Variants in SYNE1 observed in about 807,000 individuals in gnomAD.
The protein encoded by SYNE1 is nesprin-1.
Under a neutral mutation model 1,111.0 loss-of-function variants are expected in SYNE1, and 616 were observed. The ratio of observed to expected loss-of-function variants is 0.55; its 90% CI spans 0.52 to 0.59. SYNE1 has a LOEUF of 0.59. Ranked by LOEUF, SYNE1 falls within the 20% of genes least tolerant of loss-of-function variation. SYNE1 has a pLI of 0.00. For synonymous variants in SYNE1, 3,855 were observed against 3,825.8 expected (o/e 1.01, Z -0.28); for missense variants, 10,006 against 10,417.0 (o/e 0.96, Z 1.72).
intron 133 of SYNE1, among the ~76,000 whole-genome samples, chr6:152,153,513 T>C (rs141820764): frequency 6.6e-6 from 1 of 152,376 alleles, no homozygotes; most frequent in African/African-American, 2.4e-5. Context: ...GGCTAACTTT[T>C]GCTTTAAAAT....
At chr6:152,499,501 A>T (rs147354502) in intron 10 of SYNE1, among the ~76,000 whole-genome samples, 1 of 152,244 alleles carries the variant, frequency 6.6e-6, no homozygotes. Flanking sequence ...AGCCTGGTAG[A>T]TATGTTCATG....
At chr6:152,241,587 C>T (rs934378109) in intron 107 of SYNE1, among the ~76,000 whole-genome samples, 2 of 150,704 alleles carry the variant, frequency 1.3e-5, no homozygotes, top group East Asian at 3.9e-4. Context: ...CTGTGGCACA[C>T]AATGATGGAG....
At chr6:152,302,190 G>A in intron 91 of SYNE1, 127 bp from the exon 92 acceptor site, 1 of 1,286,376 alleles carries the variant, frequency 7.8e-7, no homozygotes, top group Non-Finnish European at 1.1e-6. Flanking sequence ...GAGGCAGGAT[G>A]TGTAGGCGGC....
chr6:152,424,310 A>T (rs187328592), intron 39 of SYNE1, among the ~76,000 whole-genome samples: 2 of 152,368 alleles, frequency 1.3e-5, no homozygotes, highest in African/African-American at 4.8e-5. Flanking sequence ...AATCTTCTAC[A>T]CATTATCCTT....
intron 45 of SYNE1, 60 bp downstream of exon 45, chr6:152,406,954 T>A: frequency 1.5e-6 from 2 of 1,351,428 alleles, no homozygotes; most frequent in Non-Finnish European, 2.0e-6. Context: ...CTTTTTTTTT[T>A]TTTCATATTC....
chr6:152,233,580 C>T (rs529703431), intron 112 of SYNE1, among the ~76,000 whole-genome samples: 2 of 152,310 alleles, frequency 1.3e-5, no homozygotes, highest in Non-Finnish European at 2.9e-5. Context: ...CCTCCTCAGC[C>T]TCCCTAAGTG....
At chr6:152,584,160 G>A (rs2099529610) in intron 3 of SYNE1, among the ~76,000 whole-genome samples, 1 of 152,114 alleles carries the variant, frequency 6.6e-6, no homozygotes, top group African/African-American at 2.4e-5. Context: ...AATAATTAAA[G>A]TTTTCCTTAG....
chr6:152,189,605 G>A (rs979310873), intron 127 of SYNE1, among the ~76,000 whole-genome samples, 198 bp from the exon 128 acceptor site: 6 of 152,084 alleles, frequency 3.9e-5, no homozygotes, highest in Admixed American at 3.3e-4. Context: ...TCACAATAAA[G>A]TGAGTCACAA....
chr6:152,180,055 G>A, intron 129 of SYNE1, 81 bp downstream of exon 129: 1 of 1,476,028 alleles, frequency 6.8e-7, no homozygotes, highest in Non-Finnish European at 9.5e-7. Flanking sequence ...GTAATTGTGA[G>A]TAAAGCCACC....
chr6:152,600,167 G>A (rs1209895007), intron 3 of SYNE1, among the ~76,000 whole-genome samples: 1 of 152,170 alleles, frequency 6.6e-6, no homozygotes, highest in African/African-American at 2.4e-5. Context: ...AGTTTAACAG[G>A]AGGATAGCTC....
At chr6:152,461,773 C>T (rs1244264049) in intron 20 of SYNE1, 33 bp from the exon 21 acceptor site, 2 of 1,613,566 alleles carry the variant, frequency 1.2e-6, no homozygotes, top group Non-Finnish European at 1.7e-6. Flanking sequence ...CAGATTCATA[C>T]ATGACACATT....
Position 152,373,094 on chromosome 6 carries a change from T to C in SYNE1, c.9450A>G (p.Ala3150=), listed in dbSNP as rs1430552765. 1 of 1,614,072 alleles carries C rather than the reference T, an allele frequency of 6.2e-7. No individual in the cohort carries two copies. Among genetic ancestry groups the C allele is most frequent in the African/African-American group, 1.3e-5 (1 of 74,936 alleles). Residue 3150 remains alanine, a synonymous_variant, in exon 59 of 146, where the codon GCA becomes GCG. Coordinates refer to ENST00000367255, the MANE Select transcript of SYNE1 (RefSeq NM_182961.4). Reference sequence around the variant, plus strand: ...AATGAAAATTTTTCCAATCTTCTTTTGCAGCTGTAACTTTGGCCTGGATCC... The same window carrying C: ...AATGAAAATTTTTCCAATCTTCTTTCGCAGCTGTAACTTTGGCCTGGATCC... The part of the protein sequence containing the change: ...AKGIQAKVTA[A]KEDWKNFHSN...
chr6:152,352,923 A>G (rs2096767520), intron 69 of SYNE1, among the ~76,000 whole-genome samples: 1 of 152,092 alleles, frequency 6.6e-6, no homozygotes, highest in Non-Finnish European at 1.5e-5. Context: ...ATCCTTAGCA[A>G]TCTCCTTCTA....
chr6:152,520,553 T>C lies in SYNE1; in HGVS notation c.226-11A>G, dbSNP rs763713758. On this transcript the variant is annotated splice_polypyrimidine_tract_variant and intron_variant, in intron 5 of 145. Coordinates refer to ENST00000367255, the MANE Select transcript of SYNE1 (RefSeq NM_182961.4). The stretch of plus-strand genomic sequence containing the variant: ...TCCTTGTTCACAAGGCTGTAAAAAG[T>C]GGGGTAAAAAAGGGAATGAGACAAA... 11 of 1,613,412 alleles carry C rather than the reference T, an allele frequency of 6.8e-6. No homozygotes were observed. The Admixed American group carries it at 1.7e-4, about 24-fold the overall frequency.
chr6:152,447,740 T>C, intron 28 of SYNE1, 118 bp from the exon 29 acceptor site: 2 of 1,195,030 alleles, frequency 1.7e-6, no homozygotes, highest in Non-Finnish European at 2.5e-6. Context: ...CCAGACATCA[T>C]TCAGCAATAC....
chr6:152,302,385 G>C, intron 91 of SYNE1: 1 of 452,756 alleles, frequency 2.2e-6, no homozygotes, highest in South Asian at 2.1e-5. Context: ...GCAACATTAG[G>C]AACTGACAAC....
chr6:152,206,244 G>T lies in SYNE1; in HGVS notation c.22943C>A (p.Ala7648Asp). The T allele has an allele frequency of 6.2e-7, 1 of 1,613,818 alleles. No individual in the cohort carries two copies. ...TGATTTCCATTTCTCTTGGATTTCA[G>T]CGAGTTCGGCCTGCAAGGCGGCCTC... Reference protein sequence around the residue: ...GAEAALQAELAEIQEKWKSAS... With the variant: ...GAEAALQAELDEIQEKWKSAS... The change falls in exon 126 of 146, where the codon GCT becomes GAT. Residue 7648 changes from alanine (A) to aspartate (D), a missense_variant. This residue lies in a region of SYNE1 where 2,182 missense variants were observed against 2,287.8 expected (regional missense o/e 0.95). Coordinates refer to ENST00000367255, the MANE Select transcript of SYNE1 (RefSeq NM_182961.4).
At chr6:152,508,186 C>T (rs2099068063) in intron 8 of SYNE1, among the ~76,000 whole-genome samples, 1 of 152,166 alleles carries the variant, frequency 6.6e-6, no homozygotes, top group South Asian at 2.1e-4. Flanking sequence ...AAATTATCAA[C>T]AGTTTGGTAG....
chr6:152,397,564 C>A (rs1371521674), intron 49 of SYNE1, among the ~76,000 whole-genome samples: 1 of 152,214 alleles, frequency 6.6e-6, no homozygotes, highest in Non-Finnish European at 1.5e-5. Flanking sequence ...AATTCTACAT[C>A]TGAATTCTCC....
Sources: gnomAD v4.1 joint callset for allele counts (sites outside exome capture counted in the v4.1 genomes callset) on GRCh38, gnomAD v4.1.1 for gene constraint, gnomAD v4.1.1 regional missense constraint, MANE v1.5 for transcripts, NCBI Gene and HGNC (gene_info 2026-07-23, HGNC 2026-07-21) for gene names.